ATP6V0A4: variants seen among roughly 807,000 people sequenced by gnomAD.
ATP6V0A4 encodes the protein V-type proton ATPase 116 kDa subunit a 4.
A neutral mutation model predicts 107.3 loss-of-function variants in ATP6V0A4; 86 were observed. The observed-to-expected ratio is 0.80, with a 90% CI of 0.67 to 0.96. The LOEUF is 0.96. Ranked by LOEUF, ATP6V0A4 falls within the 40% of genes least tolerant of loss-of-function variation. The pLI is 0.00. For missense variants in ATP6V0A4, 908 were observed against 1,045.6 expected, an observed-to-expected ratio of 0.87 and a Z score of 1.81; for synonymous variants, 353 against 381.4, an observed-to-expected ratio of 0.93 and a Z score of 0.87.
At chr7:138,727,023 G>A (rs568961692) in intron 18 of ATP6V0A4, among the ~76,000 whole-genome samples, 1 of 148,710 alleles carries the variant, frequency 6.7e-6, no homozygotes, top group East Asian at 2.0e-4. Context: ...TTGGCTTATG[G>A]ACAGATTTAG....
intron 1 of ATP6V0A4, among the ~76,000 whole-genome samples, chr7:138,796,926 C>T (rs554960599): frequency 6.6e-6 from 1 of 152,294 alleles, no homozygotes; most frequent in East Asian, 1.9e-4. Flanking sequence ...CAAGTTACTC[C>T]TCAGCTCAAA....
chr7:138,745,223 T>C lies in ATP6V0A4; in HGVS notation c.1378A>G (p.Ile460Val). ...TCATTGTAGATCAAACCCGTGTAGA[T>C]GGAGAAGATGCCCATAAGTAGGATC... is the stretch of plus-strand genomic sequence containing the variant. The part of the protein sequence containing the change: ...YLILLMGIFS[I>V]YTGLIYNDCF... The change falls in exon 14 of 22, where the codon ATC becomes GTC. Residue 460 changes from isoleucine to valine, a missense_variant. Physicochemically the swap from Ile to Val is conservative, Grantham distance 29 (BLOSUM62 3). Transcript: ENST00000310018. 6.2e-7 allele frequency: 1 copy of C among 1,613,958 alleles called. No individual in the cohort carries two copies. The highest frequency in any genetic ancestry group is 1.1e-5 in the South Asian group (1 of 91,068).
chr7:138,780,288 G>A (rs1191236020), intron 2 of ATP6V0A4, among the ~76,000 whole-genome samples: 1 of 152,200 alleles, frequency 6.6e-6, no homozygotes, highest in Admixed American at 6.5e-5. Context: ...CATCAGATTT[G>A]TAAGGAACAC....
chr7:138,714,837 T>C (rs1803950634), intron 20 of ATP6V0A4, among the ~76,000 whole-genome samples: 1 of 152,196 alleles, frequency 6.6e-6, no homozygotes, highest in Non-Finnish European at 1.5e-5. Context: ...CTAATCCTAA[T>C]AACCTGTCAA....
Position 138,706,809 on chromosome 7 carries a change from G to A in ATP6V0A4, c.2430-92C>T, listed in dbSNP as rs73166921. The A allele has an allele frequency of 0.2, 309,852 of 1,565,506 alleles. 31,922 individuals carry two copies. The highest frequency in any genetic ancestry group is 0.29 in the Middle Eastern group (1,715 of 5,946). ...GGTGGAGGGAAGGAGGAAGCAGAGC[G>A]TTCGTAAAATCAAGCACAAAGTCAG... On this transcript the variant is annotated intron_variant, in intron 21 of 21. Coordinates refer to ENST00000310018, the MANE Select transcript of ATP6V0A4 (RefSeq NM_020632.3).
At chr7:138,723,097 C>T (rs915289868) in intron 18 of ATP6V0A4, among the ~76,000 whole-genome samples, 1 of 150,222 alleles carries the variant, frequency 6.7e-6, no homozygotes, top group Non-Finnish European at 1.5e-5. Context: ...CAAGATCATA[C>T]AGCTGGCAAG....
Position 138,737,115 on chromosome 7 carries a change from A to ATATATATATATATATATATATGTATCAT in ATP6V0A4, c.1572+2424_1572+2425insATGATACATATATATATATATATATATA, listed in dbSNP as rs540225443. On this transcript the variant is annotated intron_variant, in intron 15 of 21. Transcript: ENST00000310018. ...GTTATGTAAAAAGTAAGCCCTTATT[A>ATATATATATATATATATATATGTATCAT]ATATATATATATGATACAAACTAAC... Among the ~76,000 whole-genome samples, 5 of 86,764 alleles carry ATATATATATATATATATATATGTATCAT rather than the reference A, an allele frequency of 5.8e-5. 1 individual carries two copies. The Admixed American group carries it at 7.3e-4, about 13-fold the overall frequency. The allele number at this position is 86,764 out of a possible 152,430, so 56.9% of individuals were successfully genotyped here.
intron 20 of ATP6V0A4, among the ~76,000 whole-genome samples, chr7:138,710,357 A>G (rs1803678673): frequency 6.6e-6 from 1 of 152,020 alleles, no homozygotes; most frequent in Non-Finnish European, 1.5e-5. Flanking sequence ...ACACCCAGCT[A>G]ATTTTTGTAT....
rs766700489 is a variant in ATP6V0A4 at position 138,759,742 on chromosome 7, A to G, written c.639+10T>C. 8 of 1,614,008 alleles carry G rather than the reference A, an allele frequency of 5.0e-6. No homozygotes were observed. The Admixed American group carries it at 1.0e-4, about 20-fold the overall frequency. ...TCTCAGAGAAAGTTTTTGCAGCCCA[A>G]GGTTCCCACCGTCACAGGATCCTCC... On this transcript the variant is annotated intron_variant, in intron 8 of 21. Transcript: ENST00000310018.
chr7:138,763,072 C>G, intron 5 of ATP6V0A4, 47 bp from the exon 6 acceptor site: 1 of 1,609,164 alleles, frequency 6.2e-7, no homozygotes, highest in Admixed American at 1.7e-5. Flanking sequence ...AGTGCTATGA[C>G]ATTCCTGAAA....
chr7:138,732,859 A>AT lies in ATP6V0A4; in HGVS notation c.1908+17_1908+18insA. The AT allele has an allele frequency of 6.3e-7, 1 of 1,577,226 alleles. No individual in the cohort carries two copies. The highest frequency in any genetic ancestry group is 1.2e-5 in the South Asian group (1 of 85,504). On this transcript the variant is annotated intron_variant, in intron 17 of 21. Coordinates refer to ENST00000310018, the MANE Select transcript of ATP6V0A4 (RefSeq NM_020632.3). The stretch of plus-strand genomic sequence containing the variant: ...AGTAAATAAAAGAAGAGTAAAAAAA[A>AT]AAAAATAGCAGAAATACCTGATGTT...
chr7:138,733,125 T>C (rs1275788333), intron 16 of ATP6V0A4, 32 bp from the exon 17 acceptor site: 3 of 1,613,528 alleles, frequency 1.9e-6, no homozygotes, highest in South Asian at 1.1e-5. Flanking sequence ...ATACACAAGA[T>C]AGAACATCAA....
At chr7:138,726,280 T>G in intron 18 of ATP6V0A4, among the ~76,000 whole-genome samples, 1 of 152,300 alleles carries the variant, frequency 6.6e-6, no homozygotes, top group Non-Finnish European at 1.5e-5. Context: ...TGAGCCACCG[T>G]GCCCGGCCGA....
chr7:138,713,262 G>T (rs1164592063), intron 20 of ATP6V0A4, among the ~76,000 whole-genome samples: 3 of 140,218 alleles, frequency 2.1e-5, no homozygotes, highest in African/African-American at 5.5e-5. Flanking sequence ...CCGAGATCAC[G>T]CCACGGCACT....
At chr7:138,735,002 C>A (rs1485401036) in intron 15 of ATP6V0A4, among the ~76,000 whole-genome samples, 4 of 152,222 alleles carry the variant, frequency 2.6e-5, no homozygotes, top group Admixed American at 2.6e-4. Context: ...CCAATCTTTG[C>A]AAGCACGATG....
In ATP6V0A4 at chr7:138,709,737, C is replaced by A; in HGVS notation, c.2316G>T (p.Trp772Cys). The A allele has an allele frequency of 1.2e-6, 2 of 1,614,072 alleles. No individual in the cohort carries two copies. Among genetic ancestry groups the A allele is most frequent in the East Asian group, 4.5e-5 (2 of 44,888 alleles). Residue 772 changes from tryptophan (W) to cysteine (C), a missense_variant, in exon 21 of 22, where the codon TGG becomes TGT. By Grantham distance (215) the Trp-to-Cys change is radical. Transcript: ENST00000310018. The part of the protein sequence containing the change: ...VMNSGLQTRG[W>C]GGIVGVFIIF... ...TAATAAAAACCCCGACGATTCCTCC[C>A]CAGCCTCGCGTCTGAAGGCCGCTGT...
rs771780082 is a variant in ATP6V0A4, at chr7:138,771,259, C to T, written c.-12G>A. On this transcript the variant is annotated 5_prime_UTR_variant, in exon 3 of 22. Coordinates refer to ENST00000310018, the MANE Select transcript of ATP6V0A4 (RefSeq NM_020632.3). Reference sequence around the variant, plus strand: ...AACACAGACACCATCTTGGCCCAGCCTCGGTCTACAGGAGAAAAAGAAAAA... The same window carrying T: ...AACACAGACACCATCTTGGCCCAGCTTCGGTCTACAGGAGAAAAAGAAAAA... 6.2e-7 allele frequency: 1 copy of T among 1,612,900 alleles called. No individual in the cohort carries two copies. The highest frequency in any genetic ancestry group is 8.5e-7 in the Non-Finnish European group (1 of 1,179,016).
intron 11 of ATP6V0A4, among the ~76,000 whole-genome samples, chr7:138,749,614 C>T (rs1231094429): frequency 2.0e-5 from 3 of 152,054 alleles, no homozygotes; most frequent in Admixed American, 6.6e-5. Flanking sequence ...TCTATGCTTT[C>T]CTCCTCTCCA....
In ATP6V0A4 at chr7:138,798,029, C is replaced by G; in HGVS notation, c.-121+5G>C. On this transcript the variant is annotated splice_donor_5th_base_variant and intron_variant, in intron 1 of 21. Coordinates refer to ENST00000310018, the MANE Select transcript of ATP6V0A4 (RefSeq NM_020632.3). ...TCCAGCTCCTGCAGGTGGGAGTCGA[C>G]TCACCTGCAGCAGGCACTCGGCACA... 6.4e-7 allele frequency: 1 copy of G among 1,552,998 alleles called. No individual in the cohort carries two copies. The highest frequency in any genetic ancestry group is 8.7e-7 in the Non-Finnish European group (1 of 1,148,014).
Sources: allele counts gnomAD v4.1 joint callset (sites outside exome capture counted in the v4.1 genomes callset), GRCh38; gene constraint gnomAD v4.1.1; transcripts MANE v1.5; gene names NCBI Gene and HGNC (gene_info 2026-07-23, HGNC 2026-07-21).